Variants in RABGAP1L observed in about 807,000 individuals in gnomAD.
RABGAP1L encodes RAB GTPase activating protein 1 like.
A neutral mutation model predicts 137.7 loss-of-function variants in RABGAP1L; 63 were observed. The observed-to-expected ratio is 0.46, with a 90% CI of 0.37 to 0.56. The LOEUF (loss-of-function observed/expected upper bound fraction) is 0.56, where lower values mean the gene tolerates loss of function less well. RABGAP1L is among the 20% of genes least tolerant of loss of function. The pLI is 0.00. For missense variants in RABGAP1L, 1,095 were observed against 1,244.0 expected, an observed-to-expected ratio of 0.88 and a Z score of 1.80; for synonymous variants, 431 against 433.7, an observed-to-expected ratio of 0.99 and a Z score of 0.08.
At chr1:174,752,425 A>G (rs111781014) in intron 18 of RABGAP1L, 71 bp downstream of exon 18, 22 of 1,149,590 alleles carry the variant, frequency 1.9e-5, no homozygotes, top group African/African-American at 1.6e-5. Flanking sequence ...GAATAATTCA[A>G]TTTACAGTCT....
intron 18 of RABGAP1L, among the ~76,000 whole-genome samples, chr1:174,758,895 A>C (rs1684988158): frequency 6.6e-6 from 1 of 152,176 alleles, no homozygotes; most frequent in Non-Finnish European, 1.5e-5. Context: ...TCAAACCAGA[A>C]ACCTAGAAGT....
intron 13 of RABGAP1L, among the ~76,000 whole-genome samples, chr1:174,632,880 T>C (rs1347275687): frequency 6.6e-6 from 1 of 151,686 alleles, no homozygotes; most frequent in Non-Finnish European, 1.5e-5. Context: ...TCTGAAGCCT[T>C]CTTCTCTCAG....
At chr1:174,654,472 G>A (rs2148401926) in intron 14 of RABGAP1L, among the ~76,000 whole-genome samples, 1 of 152,150 alleles carries the variant, frequency 6.6e-6, no homozygotes, top group East Asian at 1.9e-4. Context: ...ATTCCTTAGG[G>A]CAAGGCTATA....
chr1:174,173,355 C>T (rs1665567039), intron 1 of RABGAP1L, among the ~76,000 whole-genome samples: 3 of 152,194 alleles, frequency 2.0e-5, no homozygotes, highest in African/African-American at 7.2e-5. Flanking sequence ...GTCTCAAACT[C>T]CCAACCTCAG....
chr1:174,548,332 T>G lies in RABGAP1L; in HGVS notation c.1711-89043T>G, dbSNP rs1666185585. 4.2e-6 allele frequency: 5 copies of G among 1,179,246 alleles called. No individual in the cohort carries two copies. The South Asian group carries it at 7.2e-5, about 17-fold the overall frequency. 73.0% of individuals were successfully genotyped at this position (1,179,246 alleles called of 1,614,324 possible). A position where few individuals can be genotyped will look rare whatever the true frequency, so the allele number is the denominator to read the frequency against. ...TTATCCATTTGTAAAATGATAGTTT[T>G]TGTTTTTAAAGTGCTCTATTACCCT... On this transcript the variant is annotated intron_variant, in intron 13 of 25. Coordinates refer to ENST00000681986, the MANE Select transcript of RABGAP1L (RefSeq NM_001366446.1).
intron 19 of RABGAP1L, among the ~76,000 whole-genome samples, chr1:174,948,126 CA>C (rs968469512): frequency 4.1e-5 from 6 of 144,674 alleles, no homozygotes; most frequent in South Asian, 2.2e-4. Context: ...GGTACTTGAA[CA>C]AAAAAAAAAT....
At chr1:174,283,054 C>A (rs920564895) in intron 10 of RABGAP1L, among the ~76,000 whole-genome samples, 2 of 152,006 alleles carry the variant, frequency 1.3e-5, no homozygotes, top group African/African-American at 2.4e-5. Context: ...TTATTTGTTG[C>A]GAGTTCTTTG....
At chr1:174,571,953 T>C (rs1466372252) in intron 13 of RABGAP1L, among the ~76,000 whole-genome samples, 1 of 152,250 alleles carries the variant, frequency 6.6e-6, no homozygotes, top group African/African-American at 2.4e-5. Context: ...AATCTTTCTT[T>C]AGGAACGCCT....
intron 19 of RABGAP1L, chr1:174,892,643 G>A (rs1488259311): frequency 3.7e-6 from 2 of 535,322 alleles, no homozygotes; most frequent in African/African-American, 3.9e-5. Flanking sequence ...TGATGAGGCT[G>A]CTAAAGCTGA....
At chr1:174,242,288 A>C (rs1406532352) in intron 5 of RABGAP1L, among the ~76,000 whole-genome samples, 1 of 152,230 alleles carries the variant, frequency 6.6e-6, no homozygotes, top group East Asian at 1.9e-4. Context: ...GAAATGGTTT[A>C]GATTAAATGC....
intron 11 of RABGAP1L, among the ~76,000 whole-genome samples, chr1:174,321,464 T>C (rs1251667201): frequency 6.6e-6 from 1 of 152,130 alleles, no homozygotes; most frequent in Non-Finnish European, 1.5e-5. Flanking sequence ...ACTGCCGACA[T>C]GTGATGTCTG....
At chr1:174,540,369 A>G (rs935880270) in intron 13 of RABGAP1L, among the ~76,000 whole-genome samples, 1 of 152,192 alleles carries the variant, frequency 6.6e-6, no homozygotes. Flanking sequence ...GTCCTTGCCC[A>G]TGCCAATGTC....
At chr1:174,173,791 G>A (rs1296075871) in intron 1 of RABGAP1L, among the ~76,000 whole-genome samples, 1 of 152,112 alleles carries the variant, frequency 6.6e-6, no homozygotes, top group Non-Finnish European at 1.5e-5. Context: ...GCACCACAAG[G>A]TGTGTCTTCA....
chr1:174,682,323 C>T lies in RABGAP1L; in HGVS notation c.1825-1199C>T, dbSNP rs1010565315. Among the ~76,000 whole-genome samples, 868 of 150,892 alleles carry T rather than the reference C, an allele frequency of 5.8e-3. 8 individuals are homozygous for T. The highest frequency in any genetic ancestry group is 0.02 in the African/African-American group (828 of 40,514). On this transcript the variant is annotated intron_variant, in intron 14 of 25. Coordinates refer to ENST00000681986, the MANE Select transcript of RABGAP1L (RefSeq NM_001366446.1). ...ATACATACATATATATATATACACACACACACACACACACACATACATCAC... is the reference window on the plus strand; with the variant it reads ...ATACATACATATATATATATACACATACACACACACACACACATACATCAC...
At chr1:174,757,130 T>C in intron 18 of RABGAP1L, 1 of 450,538 alleles carries the variant, frequency 2.2e-6, no homozygotes, top group Non-Finnish European at 4.6e-6. Context: ...CTTGTTCAGG[T>C]TTAATTGTCA....
chr1:174,247,539 T>A (rs576960480), intron 5 of RABGAP1L, among the ~76,000 whole-genome samples: 21 of 152,326 alleles, frequency 1.4e-4, no homozygotes, highest in Non-Finnish European at 2.6e-4. Context: ...CAGCAACCTA[T>A]AATATACAAA....
intron 12 of RABGAP1L, among the ~76,000 whole-genome samples, chr1:174,389,588 A>G (rs1452985961): frequency 1.3e-5 from 2 of 152,148 alleles, no homozygotes; most frequent in Non-Finnish European, 2.9e-5. Flanking sequence ...AGATGAGTCC[A>G]TGACATTTTT....
chr1:174,544,321 C>A (rs1319632894), intron 13 of RABGAP1L, among the ~76,000 whole-genome samples: 2 of 152,102 alleles, frequency 1.3e-5, no homozygotes, highest in African/African-American at 2.4e-5. Context: ...CTCTAAACTT[C>A]TCTTCTTGCT....
At chr1:174,700,885 T>C (rs540855941) in intron 16 of RABGAP1L, 12 of 296,262 alleles carry the variant, frequency 4.1e-5, no homozygotes, top group African/African-American at 2.4e-4. Flanking sequence ...CCTAAGGGCT[T>C]TGAGAATCAA....
Sources: allele counts gnomAD v4.1 joint callset (sites outside exome capture counted in the v4.1 genomes callset), GRCh38; gene constraint gnomAD v4.1.1; transcripts MANE v1.5; gene names NCBI Gene and HGNC (gene_info 2026-07-23, HGNC 2026-07-21).